Variants in ZMIZ1 observed in about 807,000 individuals in gnomAD.
ZMIZ1 encodes zinc finger MIZ domain-containing protein 1.
Under a neutral mutation model 113.9 loss-of-function variants are expected in ZMIZ1, and 17 were observed. The ratio of observed to expected loss-of-function variants is 0.15; its 90% CI spans 0.10 to 0.22. The LOEUF is 0.22. Among genes scored for constraint, ZMIZ1 ranks in the 10% least tolerant of loss-of-function variants. The probability of loss-of-function intolerance (pLI) is 1.00; values close to 1 mark genes in which losing one functional copy is unlikely to be tolerated. For synonymous variants in ZMIZ1, 607 were observed against 603.1 expected, an observed-to-expected ratio of 1.01 and a Z score of -0.09; for missense variants, 1,059 against 1,477.8, an observed-to-expected ratio of 0.72 and a Z score of 4.65.
At chr10:79,208,302 G>A (rs1158393309) in intron 5 of ZMIZ1, 34 bp from the exon 6 acceptor site, 3 of 1,598,456 alleles carry the variant, frequency 1.9e-6, no homozygotes, top group Non-Finnish European at 2.6e-6. Flanking sequence ...CCTCACTCTT[G>A]GAGCCTCAGC....
chr10:79,276,497 G>A (rs1468795568), intron 7 of ZMIZ1, among the ~76,000 whole-genome samples: 1 of 152,168 alleles, frequency 6.6e-6, no homozygotes, highest in African/African-American at 2.4e-5. Flanking sequence ...GCTGCCTCCT[G>A]CTTGGCCCCC....
Position 79,134,162 on chromosome 10 carries a change from G to T in ZMIZ1, c.-226-5520G>T, listed in dbSNP as rs542760851. Among the ~76,000 whole-genome samples the T allele has an allele frequency of 6.6e-5, 10 of 152,324 alleles. No individual in the cohort carries two copies. The East Asian group carries it at 1.9e-3, about 29-fold the overall frequency. On this transcript the variant is annotated intron_variant, in intron 2 of 24. Coordinates refer to ENST00000334512, the MANE Select transcript of ZMIZ1 (RefSeq NM_020338.4). ...TGGGGGGTTCGAGGGCCTGTCTGAA[G>T]CCCGGGGTCACCAGGAGCACCAGAT...
At chr10:79,275,522 G>A (rs1282604704) in intron 7 of ZMIZ1, among the ~76,000 whole-genome samples, 5 of 152,250 alleles carry the variant, frequency 3.3e-5, no homozygotes, top group Admixed American at 1.3e-4. Context: ...ACCCCGTCCA[G>A]GATCTGGGCG....
In ZMIZ1 at chr10:79,080,132, A is replaced by G. The variant is rs527390528; in HGVS notation, c.-337+10862A>G. Among the ~76,000 whole-genome samples the G allele has an allele frequency of 3.3e-5, 5 of 152,018 alleles. No homozygotes were observed. The South Asian group carries it at 1.0e-3, about 32-fold the overall frequency. ...CTCTGCCTCCCTGCTCGCAGTCCTC[A>G]TGTCCCCACCTTCCTGGGATCCTGA... On this transcript the variant is annotated intron_variant, in intron 1 of 24. Coordinates refer to ENST00000334512, the MANE Select transcript of ZMIZ1 (RefSeq NM_020338.4).
At chr10:79,309,399 G>A (rs1474308277) in intron 23 of ZMIZ1, among the ~76,000 whole-genome samples, 1 of 152,240 alleles carries the variant, frequency 6.6e-6, no homozygotes, top group Non-Finnish European at 1.5e-5. Context: ...GGCACTGAGG[G>A]CATCTACAGG....
At chr10:79,070,506 G>A (rs1842230526) in intron 1 of ZMIZ1, among the ~76,000 whole-genome samples, 1 of 152,022 alleles carries the variant, frequency 6.6e-6, no homozygotes, top group African/African-American at 2.4e-5. Flanking sequence ...CGGGAGGGCG[G>A]GCGGACGGGA....
intron 4 of ZMIZ1, among the ~76,000 whole-genome samples, chr10:79,186,298 C>T (rs1228260364): frequency 6.6e-6 from 1 of 152,184 alleles, no homozygotes; most frequent in East Asian, 1.9e-4. Flanking sequence ...CTCTCTGTTC[C>T]GTAAGTAATT....
chr10:79,307,396 C>A lies in ZMIZ1; in HGVS notation c.2669-9C>A. 5 of 1,612,142 alleles carry A rather than the reference C, an allele frequency of 3.1e-6. No homozygotes were observed. The highest frequency in any genetic ancestry group is 4.2e-6 in the Non-Finnish European group (5 of 1,179,030). ...GACCCCCTCCCCTCCCCATCTCATC[C>A]CTTCCTAGGCAACAACTACCAAGGC... On this transcript the variant is annotated splice_polypyrimidine_tract_variant and intron_variant, in intron 22 of 24. Transcript: ENST00000334512.
chr10:79,236,055 A>G (rs749980108), intron 7 of ZMIZ1, among the ~76,000 whole-genome samples: 2 of 152,158 alleles, frequency 1.3e-5, no homozygotes, highest in African/African-American at 2.4e-5. Context: ...TTGCAAATGG[A>G]TAAGTAGAGG....
intron 4 of ZMIZ1, among the ~76,000 whole-genome samples, chr10:79,185,857 G>T (rs561257616): frequency 2.0e-5 from 3 of 152,036 alleles, no homozygotes; most frequent in African/African-American, 7.2e-5. Flanking sequence ...GCAGCATCTG[G>T]AGTGTCTGTG....
At chr10:79,122,550 C>G (rs1458086803) in intron 2 of ZMIZ1, among the ~76,000 whole-genome samples, 2 of 152,284 alleles carry the variant, frequency 1.3e-5, no homozygotes, top group Non-Finnish European at 2.9e-5. Flanking sequence ...GGCAGACTCA[C>G]TCCTGCAGGT....
In ZMIZ1 at chr10:79,277,474, G is replaced by A. The variant is rs182362211; in HGVS notation, c.425+149G>A. 10 of 1,016,306 alleles carry A rather than the reference G, an allele frequency of 9.8e-6. No homozygotes were observed. The African/African-American group carries it at 1.7e-4, about 17-fold the overall frequency. 63.0% of individuals were successfully genotyped at this position (1,016,306 alleles called of 1,614,324 possible). The stretch of plus-strand genomic sequence containing the variant: ...TGCAGTTGTTTTTTTACATCTTCGT[G>A]GGTGAGCCCTGTTTCTCCCTCTCAA... On this transcript the variant is annotated intron_variant, in intron 8 of 24. Transcript: ENST00000334512.
At chr10:79,267,733 C>G (rs1810645301) in intron 7 of ZMIZ1, among the ~76,000 whole-genome samples, 1 of 152,168 alleles carries the variant, frequency 6.6e-6, no homozygotes, top group Non-Finnish European at 1.5e-5. Context: ...AGGTGGGACT[C>G]TGGTGTGAGA....
chr10:79,095,806 C>T (rs745964939), intron 1 of ZMIZ1, among the ~76,000 whole-genome samples: 9 of 152,184 alleles, frequency 5.9e-5, no homozygotes, highest in Non-Finnish European at 1.3e-4. Flanking sequence ...TTTCTCAGAT[C>T]CACATCTTGG....
chr10:79,147,761 C>T (rs1423723896), intron 3 of ZMIZ1, among the ~76,000 whole-genome samples: 1 of 152,162 alleles, frequency 6.6e-6, no homozygotes, highest in Non-Finnish European at 1.5e-5. Flanking sequence ...GAGGCACCGC[C>T]GAGCCTCTCA....
At chr10:79,267,758 C>T (rs575192034) in intron 7 of ZMIZ1, among the ~76,000 whole-genome samples, 3 of 152,314 alleles carry the variant, frequency 2.0e-5, no homozygotes, top group Non-Finnish European at 2.9e-5. Flanking sequence ...CCGTCTCTCA[C>T]TTGTGTTGAC....
intron 1 of ZMIZ1, among the ~76,000 whole-genome samples, chr10:79,084,914 A>G (rs113347356): frequency 4.9e-4 from 75 of 152,040 alleles, no homozygotes; most frequent in African/African-American, 1.7e-3. Flanking sequence ...GTTGGTAGGG[A>G]TAATCCAGGC....
chr10:79,291,013 C>G lies in ZMIZ1; in HGVS notation c.595C>G (p.Pro199Ala), dbSNP rs1226022539. 6.2e-7 allele frequency: 1 copy of G among 1,614,138 alleles called. No homozygotes were observed. Among genetic ancestry groups the G allele is most frequent in the African/African-American group, 1.3e-5 (1 of 74,946 alleles). The change falls in exon 10 of 25, where the codon CCC becomes GCC. Residue 199 changes from proline to alanine, a missense_variant. Pro to Ala is a conservative substitution (Grantham distance 27). Transcript: ENST00000334512. ...CAACCCCATGAATCCAGGCGGCAAC[C>G]CCATGGCGTCGGGCATGACCACCAG... ...ANNPMNPGGN[P>A]MASGMTTSNP...
At chr10:79,154,782 C>T (rs750909493) in intron 3 of ZMIZ1, among the ~76,000 whole-genome samples, 12 of 152,298 alleles carry the variant, frequency 7.9e-5, no homozygotes, top group Middle Eastern at 3.4e-3. Context: ...TCTATGAAGC[C>T]TCTCCTGAGT....
Sources: allele counts gnomAD v4.1 joint callset (sites outside exome capture counted in the v4.1 genomes callset), GRCh38; gene constraint gnomAD v4.1.1; transcripts MANE v1.5; gene names NCBI Gene and HGNC (gene_info 2026-07-23, HGNC 2026-07-21).